The following CNTNAP4 variants were observed in gnomAD, a reference collection of about 807,000 sequenced individuals.
CNTNAP4 encodes contactin associated protein family member 4.
CNTNAP4 carries 98 observed loss-of-function variants against 148.4 expected under a neutral mutation model. The observed-to-expected ratio is 0.66, with a 90% CI of 0.56 to 0.78. The LOEUF is 0.78. CNTNAP4 is among the 30% of genes least tolerant of loss of function. The pLI is 0.00. For synonymous variants in CNTNAP4, 730 were observed against 565.1 expected, an observed-to-expected ratio of 1.29 and a Z score of -4.14; for missense variants, 1,935 against 1,565.6, an observed-to-expected ratio of 1.24 and a Z score of -3.98.
At chr16:76,298,286 T>A (rs1333378302) in intron 1 of CNTNAP4, among the ~76,000 whole-genome samples, 1 of 152,188 alleles carries the variant, frequency 6.6e-6, no homozygotes, top group Admixed American at 6.6e-5. Context: ...ACTGTGTGTT[T>A]AATCAAAATG....
At chr16:76,372,432 G>C (rs1173985551) in intron 3 of CNTNAP4, among the ~76,000 whole-genome samples, 4 of 152,014 alleles carry the variant, frequency 2.6e-5, no homozygotes, top group Non-Finnish European at 4.4e-5. Context: ...ACAGGCGTGG[G>C]CCACCGTGCC....
chr16:76,420,896 A>G (rs1025194356), intron 3 of CNTNAP4, among the ~76,000 whole-genome samples: 3 of 151,966 alleles, frequency 2.0e-5, no homozygotes, highest in Admixed American at 1.3e-4. Context: ...TAGCAGTACC[A>G]TAATGTGAAT....
At chr16:76,409,431 C>A (rs182157801) in intron 3 of CNTNAP4, among the ~76,000 whole-genome samples, 1 of 151,752 alleles carries the variant, frequency 6.6e-6, no homozygotes, top group African/African-American at 2.4e-5. Context: ...TATGTATGCA[C>A]CTTTAAAATA....
chr16:76,400,295 A>G (rs767414322), intron 3 of CNTNAP4, among the ~76,000 whole-genome samples: 11 of 152,196 alleles, frequency 7.2e-5, no homozygotes, highest in Admixed American at 2.0e-4. Context: ...ATCACCTCAC[A>G]TATTTTTTGT....
chr16:76,378,892 CT>C (rs1248250590), intron 3 of CNTNAP4, among the ~76,000 whole-genome samples: 1 of 152,182 alleles, frequency 6.6e-6, no homozygotes, highest in African/African-American at 2.4e-5. Flanking sequence ...CCTGAGCCAT[CT>C]TTGTGTGGTG....
intron 15 of CNTNAP4, among the ~76,000 whole-genome samples, chr16:76,514,092 C>T (rs985196481): frequency 6.6e-6 from 1 of 152,096 alleles, no homozygotes; most frequent in Non-Finnish European, 1.5e-5. Flanking sequence ...ATTAAATGAT[C>T]GTCATTTGCT....
chr16:76,347,580 G>A (rs1054111971), intron 2 of CNTNAP4, among the ~76,000 whole-genome samples: 2 of 152,224 alleles, frequency 1.3e-5, no homozygotes, highest in Admixed American at 6.5e-5. Context: ...CTGCGGAGCA[G>A]AAGGAATTTT....
intron 4 of CNTNAP4, among the ~76,000 whole-genome samples, chr16:76,435,637 C>T (rs2079796861): frequency 6.6e-6 from 1 of 152,140 alleles, no homozygotes; most frequent in Non-Finnish European, 1.5e-5. Flanking sequence ...ACCCTCCCAG[C>T]TGGGATGAGT....
chr16:76,526,387 C>G (rs1026349701), intron 17 of CNTNAP4, among the ~76,000 whole-genome samples: 1 of 152,124 alleles, frequency 6.6e-6, no homozygotes, highest in Non-Finnish European at 1.5e-5. Flanking sequence ...GGATTTTACT[C>G]TAAGGAGTCA....
At chr16:76,279,848 A>G (rs1327347358) in intron 1 of CNTNAP4, among the ~76,000 whole-genome samples, 2 of 152,156 alleles carry the variant, frequency 1.3e-5, no homozygotes, top group Admixed American at 6.6e-5. Context: ...ATTTTTCAAT[A>G]TTTAAGAAGT....
intron 3 of CNTNAP4, among the ~76,000 whole-genome samples, chr16:76,397,941 TATACATA>T (rs1567998676): frequency 4.7e-3 from 9 of 1,928 alleles, no homozygotes; most frequent in Non-Finnish European, 2.0e-3. Flanking sequence ...TAATAGATTA[TATACATA>T]TATATATATA....
chr16:76,301,683 G>A (rs1414046703), intron 1 of CNTNAP4, among the ~76,000 whole-genome samples: 1 of 152,098 alleles, frequency 6.6e-6, no homozygotes, highest in African/African-American at 2.4e-5. Flanking sequence ...CTGTGACAAA[G>A]GTTTTGCAAA....
At chr16:76,398,414 C>T (rs577596410) in intron 3 of CNTNAP4, among the ~76,000 whole-genome samples, 4 of 152,200 alleles carry the variant, frequency 2.6e-5, no homozygotes, top group Admixed American at 6.5e-5. Context: ...TTAAGTGTTG[C>T]GTGATACTGC....
intron 9 of CNTNAP4, among the ~76,000 whole-genome samples, chr16:76,466,129 T>A (rs2081169334): frequency 6.6e-6 from 1 of 152,176 alleles, no homozygotes. Flanking sequence ...CTCCGTTCCG[T>A]GGGTTCAATT....
chr16:76,382,047 C>A (rs1345728985), intron 3 of CNTNAP4, among the ~76,000 whole-genome samples: 1 of 108,854 alleles, frequency 9.2e-6, no homozygotes, highest in African/African-American at 3.7e-5. Context: ...GGGGACAGAG[C>A]GAGACTCCGT....
intron 11 of CNTNAP4, 82 bp from the exon 12 acceptor site, chr16:76,479,337 A>G: frequency 8.0e-7 from 1 of 1,256,614 alleles, no homozygotes; most frequent in Non-Finnish European, 1.1e-6. Flanking sequence ...AAATTTCAAG[A>G]TTTGCGGTAT....
At chr16:76,476,281 G>T (rs7189268) in intron 11 of CNTNAP4, among the ~76,000 whole-genome samples, 16,421 of 152,206 alleles carry the variant, frequency 0.11, 1,031 homozygotes, top group South Asian at 0.2. Flanking sequence ...TGAAAACTAA[G>T]AAAATGCAGA....
At chr16:76,478,941 A>G (rs1173515394) in intron 11 of CNTNAP4, among the ~76,000 whole-genome samples, 1 of 152,128 alleles carries the variant, frequency 6.6e-6, no homozygotes, top group Non-Finnish European at 1.5e-5. Flanking sequence ...TAGTTGTAAC[A>G]TGATTTAAAG....
Position 76,277,572 on chromosome 16 carries a change from C to G in CNTNAP4, c.-91C>G. On this transcript the variant is annotated 5_prime_UTR_variant, in exon 1 of 24. Coordinates refer to ENST00000611870, the MANE Select transcript of CNTNAP4 (RefSeq NM_033401.5). ...GACAGAGACCTAGAGGGGCTGAAGA[C>G]CCAGACAGAGCTGGCAGAGCTACTG... is the stretch of plus-strand genomic sequence containing the variant. 1 of 833,926 alleles carries G rather than the reference C, an allele frequency of 1.2e-6. No homozygotes were observed. The highest frequency in any genetic ancestry group is 1.5e-5 in the South Asian group (1 of 67,492). 51.7% of individuals were successfully genotyped at this position (833,926 alleles called of 1,614,324 possible). A position where few individuals can be genotyped will look rare whatever the true frequency, so the allele number is the denominator to read the frequency against.
Sources: gnomAD v4.1 joint callset for allele counts (sites outside exome capture counted in the v4.1 genomes callset) on GRCh38, gnomAD v4.1.1 for gene constraint, MANE v1.5 for transcripts, NCBI Gene and HGNC (gene_info 2026-07-23, HGNC 2026-07-21) for gene names.